The following STPG1 variants were observed in gnomAD, a reference collection of about 807,000 sequenced individuals.
STPG1 encodes the protein O(6)-methylguanine-induced apoptosis 2.
Under a neutral mutation model 40.1 loss-of-function variants are expected in STPG1, and 33 were observed. The observed-to-expected ratio is 0.82, with a 90% CI of 0.62 to 1.10. The LOEUF (loss-of-function observed/expected upper bound fraction) is 1.10, where lower values mean the gene tolerates loss of function less well. Ranked by LOEUF, STPG1 falls within the 50% of genes least tolerant of loss-of-function variation. The pLI is 0.00. For synonymous variants in STPG1, 150 were observed against 155.0 expected, an observed-to-expected ratio of 0.97 and a Z score of 0.24; for missense variants, 396 against 415.1, an observed-to-expected ratio of 0.95 and a Z score of 0.40.
At chr1:24,371,740 C>T (rs1641755081) in intron 6 of STPG1, among the ~76,000 whole-genome samples, 1 of 152,086 alleles carries the variant, frequency 6.6e-6, no homozygotes, top group African/African-American at 2.4e-5. Flanking sequence ...ACTTGAATTA[C>T]AAAATACAGA....
chr1:24,390,457 C>T (rs887626744), intron 3 of STPG1, among the ~76,000 whole-genome samples: 1 of 152,234 alleles, frequency 6.6e-6, no homozygotes. Flanking sequence ...CTCATTCTGT[C>T]GCCCAGGCTG....
chr1:24,401,261 T>G, intron 2 of STPG1, 58 bp downstream of exon 2: 1 of 1,544,304 alleles, frequency 6.5e-7, no homozygotes, highest in South Asian at 1.1e-5. Context: ...AATTTGCTCT[T>G]ATGTACTAAA....
chr1:24,398,383 G>A (rs1231754319), intron 2 of STPG1, among the ~76,000 whole-genome samples: 4 of 152,054 alleles, frequency 2.6e-5, no homozygotes, highest in African/African-American at 9.7e-5. Flanking sequence ...ATAGCAAACA[G>A]GATACCAAAT....
rs1467975433 is a variant in STPG1, at chr1:24,369,798, T to G, written c.613A>C (p.Asn205His). ...INESLVKQSP[N>H]TLMSCFKSKT... ...GATTTAAAACAAGACATTAATGTAT[T>G]TGGCGACTGCTTCACAAGGGATTCG... is the stretch of plus-strand genomic sequence containing the variant. Residue 205 changes from asparagine to histidine, a missense_variant, in exon 7 of 9, where the codon AAT becomes CAT. Coordinates refer to ENST00000337248, the MANE Select transcript of STPG1 (RefSeq NM_001199013.2). The G allele has an allele frequency of 6.2e-7, 1 of 1,611,978 alleles. No homozygotes were observed.
At chr1:24,369,907 C>A in intron 6 of STPG1, 68 bp from the exon 7 acceptor site, 2 of 1,382,306 alleles carry the variant, frequency 1.4e-6, no homozygotes, top group South Asian at 2.9e-5. Flanking sequence ...CAGTACCTTA[C>A]CCCTAAGAAC....
At chr1:24,374,222 C>T (rs114800055) in intron 5 of STPG1, among the ~76,000 whole-genome samples, 1,815 of 147,518 alleles carry the variant, frequency 0.012, 42 homozygotes, top group African/African-American at 0.044. Context: ...GGTGGCCCAG[C>T]AGAGATCACC....
intron 2 of STPG1, among the ~76,000 whole-genome samples, chr1:24,396,923 A>C (rs1416488653): frequency 1.3e-5 from 2 of 152,256 alleles, no homozygotes; most frequent in African/African-American, 4.8e-5. Context: ...AGACCCAACT[A>C]TATGTTACCT....
At position 24,358,749 on chromosome 1, in the gene STPG1, G is replaced by A. The variant is rs985142636; in HGVS notation, c.929-130C>T. 8 of 653,860 alleles carry A rather than the reference G, an allele frequency of 1.2e-5. No homozygotes were observed. The African/African-American group carries it at 1.3e-4, about 10-fold the overall frequency. The allele number at this position is 653,860 out of a possible 1,614,324, so 40.5% of individuals were successfully genotyped here. A position where few individuals can be genotyped will look rare whatever the true frequency, so the allele number is the denominator to read the frequency against. ...AGCCCCTGTATCTTACACGTGGGGA[G>A]ACAGAGAGGAAGGAACTGGCCCGAG... is the stretch of plus-strand genomic sequence containing the variant. On this transcript the variant is annotated intron_variant, in intron 8 of 8. Transcript: ENST00000337248.
intron 5 of STPG1, 151 bp from the exon 6 acceptor site, chr1:24,373,961 C>T: frequency 3.3e-6 from 2 of 601,900 alleles, no homozygotes; most frequent in Non-Finnish European, 6.0e-6. Context: ...GTAAACGTCA[C>T]ACTGGCTGTG....
At chr1:24,398,495 A>G (rs1349913566) in intron 2 of STPG1, among the ~76,000 whole-genome samples, 1 of 152,122 alleles carries the variant, frequency 6.6e-6, no homozygotes, top group African/African-American at 2.4e-5. Flanking sequence ...AGCCAATACA[A>G]ACGCCTACAT....
intron 2 of STPG1, among the ~76,000 whole-genome samples, chr1:24,396,344 C>T (rs1215501890): frequency 6.6e-6 from 1 of 151,932 alleles, no homozygotes; most frequent in African/African-American, 2.4e-5. Context: ...GGGTCTTGCT[C>T]TGTTGCCCAG....
At chr1:24,377,920 G>T (rs1642104369) in intron 5 of STPG1, among the ~76,000 whole-genome samples, 1 of 152,202 alleles carries the variant, frequency 6.6e-6, no homozygotes, top group South Asian at 2.1e-4. Flanking sequence ...CTGGGAACAA[G>T]ATAATCCACT....
intron 1 of STPG1, 21 bp from the exon 2 acceptor site, chr1:24,401,477 A>C: frequency 9.6e-7 from 1 of 1,037,864 alleles, no homozygotes; most frequent in Non-Finnish European, 1.5e-6. Flanking sequence ...AAAACACAGC[A>C]TTTGTAGAGA....
intron 7 of STPG1, among the ~76,000 whole-genome samples, chr1:24,363,374 C>T (rs977573143): frequency 6.6e-6 from 1 of 152,218 alleles, no homozygotes; most frequent in Non-Finnish European, 1.5e-5. Flanking sequence ...GGAATCCAGG[C>T]AGTTCTGTAC....
chr1:24,401,812 T>C (rs1457747643), intron 1 of STPG1, among the ~76,000 whole-genome samples: 3 of 152,106 alleles, frequency 2.0e-5, no homozygotes, highest in Non-Finnish European at 4.4e-5. Flanking sequence ...TCTCCTGCCT[T>C]AGCCTCCTCA....
chr1:24,378,009 ATCCTCC>A (rs60101910), intron 5 of STPG1, among the ~76,000 whole-genome samples: 5 of 151,766 alleles, frequency 3.3e-5, no homozygotes, highest in South Asian at 2.1e-4. Flanking sequence ...GAAGTGCTTC[ATCCTCC>A]TCCTCCTCCT....
At chr1:24,401,892 G>A (rs1009113373) in intron 1 of STPG1, among the ~76,000 whole-genome samples, 2 of 151,962 alleles carry the variant, frequency 1.3e-5, no homozygotes, top group African/African-American at 4.8e-5. Context: ...TCACTATGTT[G>A]GCCAGGCTGG....
intron 4 of STPG1, among the ~76,000 whole-genome samples, chr1:24,382,051 C>A (rs1642309004): frequency 6.6e-6 from 1 of 152,226 alleles, no homozygotes; most frequent in Non-Finnish European, 1.5e-5. Flanking sequence ...GAAGCCTGAG[C>A]AGCTCAAAGT....
intron 3 of STPG1, among the ~76,000 whole-genome samples, chr1:24,390,374 AG>A (rs1484257186): frequency 3.9e-5 from 6 of 152,106 alleles, no homozygotes; most frequent in African/African-American, 7.2e-5. Flanking sequence ...GATTTAGGGA[AG>A]GGGGGGTGGT....
Sources: gnomAD v4.1 joint callset for allele counts (sites outside exome capture counted in the v4.1 genomes callset) on GRCh38, gnomAD v4.1.1 for gene constraint, MANE v1.5 for transcripts, NCBI Gene and HGNC (gene_info 2026-07-23, HGNC 2026-07-21) for gene names.